Variants in CTPS2 observed in about 807,000 individuals in gnomAD.
CTPS2 encodes the protein CTP synthase II.
CTPS2 carries 19 observed loss-of-function variants against 46.8 expected under a neutral mutation model. The ratio of observed to expected loss-of-function variants is 0.41; its 90% CI spans 0.28 to 0.60. CTPS2 has a LOEUF of 0.60. Among genes scored for constraint, CTPS2 ranks in the 20% least tolerant of loss-of-function variants. The pLI, the probability that CTPS2 is intolerant of heterozygous loss-of-function variation, is 0.35. For missense variants in CTPS2, 286 were observed against 447.6 expected, an observed-to-expected ratio of 0.64 and a Z score of 3.26; for synonymous variants, 151 against 165.2, an observed-to-expected ratio of 0.91 and a Z score of 0.66.
chrX:16,674,822 G>A (rs1387477087), intron 10 of CTPS2, among the ~76,000 whole-genome samples: 3 of 104,644 alleles, frequency 2.9e-5, no homozygotes, highest in East Asian at 3.1e-4. Flanking sequence ...TGGGCAACAA[G>A]GCGAGACTCC....
At chrX:16,600,579 G>A (rs938647742) in intron 17 of CTPS2, among the ~76,000 whole-genome samples, 1 of 111,540 alleles carries the variant, frequency 9.0e-6, no homozygotes, top group Admixed American at 9.5e-5. Context: ...ACGGTAGTCT[G>A]TAGTACTATT....
intron 13 of CTPS2, among the ~76,000 whole-genome samples, chrX:16,661,021 G>A (rs1276130457): frequency 4.6e-5 from 5 of 108,302 alleles, no homozygotes; most frequent in South Asian, 4.1e-4. Flanking sequence ...GTGCAATGGC[G>A]CGATCTTGGC....
chrX:16,650,305 G>C (rs1423341427), intron 13 of CTPS2: 2 of 110,876 alleles, frequency 1.8e-5, no homozygotes, highest in Non-Finnish European at 3.8e-5. Flanking sequence ...GAGAAGGTGA[G>C]TTTATGCCAT....
chrX:16,611,617 A>C (rs1930266575), intron 16 of CTPS2, among the ~76,000 whole-genome samples: 1 of 111,447 alleles, frequency 9.0e-6, no homozygotes, highest in African/African-American at 3.3e-5. Flanking sequence ...CATTTGAAAC[A>C]TGTTCAAAGT....
chrX:16,654,524 T>C (rs1932773012), intron 13 of CTPS2: 1 of 1,041,617 alleles, frequency 9.6e-7, no homozygotes, highest in South Asian at 2.0e-5. Flanking sequence ...GAAAACAAAA[T>C]AGAACCCTGA....
intron 10 of CTPS2, among the ~76,000 whole-genome samples, chrX:16,677,058 C>T (rs1301134313): frequency 2.3e-4 from 12 of 52,239 alleles, no homozygotes; most frequent in Non-Finnish European, 3.3e-4. Context: ...GACTCTGTCT[C>T]GGAAAAAAAA....
At chrX:16,664,126 G>A (rs1391343714) in intron 13 of CTPS2, among the ~76,000 whole-genome samples, 1 of 112,276 alleles carries the variant, frequency 8.9e-6, no homozygotes, top group Non-Finnish European at 1.9e-5. Context: ...ATGAGCCACT[G>A]CGCCCGGCCA....
intron 14 of CTPS2, among the ~76,000 whole-genome samples, chrX:16,637,678 C>T (rs113621077): frequency 0.013 from 1,453 of 112,093 alleles, 19 homozygotes; most frequent in African/African-American, 0.044. Flanking sequence ...ATTACTTGAA[C>T]AAAGTTTCAT....
At chrX:16,642,696 T>G (rs1932138672) in intron 13 of CTPS2, among the ~76,000 whole-genome samples, 1 of 112,283 alleles carries the variant, frequency 8.9e-6, no homozygotes. Context: ...ATAAGCAACC[T>G]GATTCAGCAG....
At chrX:16,694,843 A>T (rs1414861451) in intron 4 of CTPS2, among the ~76,000 whole-genome samples, 1 of 111,734 alleles carries the variant, frequency 8.9e-6, no homozygotes, top group East Asian at 2.8e-4. Context: ...AAACATAAAA[A>T]ATTAGCTGGG....
intron 14 of CTPS2, 65 bp downstream of exon 14, chrX:16,639,082 T>A (rs1931915671): frequency 2.3e-6 from 2 of 887,148 alleles, no homozygotes; most frequent in Admixed American, 4.5e-5. Flanking sequence ...CCCAGAGTGC[T>A]GGGCACCTGC....
chrX:16,615,401 C>T (rs1322972559), intron 16 of CTPS2, among the ~76,000 whole-genome samples: 2 of 111,591 alleles, frequency 1.8e-5, no homozygotes, highest in Admixed American at 1.9e-4. Flanking sequence ...TTGCTGTTGT[C>T]GGAGCTCAGA....
At chrX:16,656,710 G>A (rs183253879) in intron 13 of CTPS2, among the ~76,000 whole-genome samples, 73 of 111,800 alleles carry the variant, frequency 6.5e-4, no homozygotes, top group African/African-American at 2.1e-3. Flanking sequence ...CACCATGCCC[G>A]GCCCATTTCC....
chrX:16,649,675 G>A (rs1302381072), intron 13 of CTPS2, among the ~76,000 whole-genome samples: 1 of 111,412 alleles, frequency 9.0e-6, no homozygotes, highest in Non-Finnish European at 1.9e-5. Flanking sequence ...AAATTTTTCA[G>A]TAGAAATGTC....
intron 17 of CTPS2, among the ~76,000 whole-genome samples, chrX:16,601,764 A>T (rs1929682570): frequency 8.9e-6 from 1 of 111,916 alleles, no homozygotes. Context: ...TTAAGTTCCT[A>T]CCATAGACCA....
intron 9 of CTPS2, among the ~76,000 whole-genome samples, chrX:16,680,334 G>A (rs776668778): frequency 2.7e-5 from 3 of 110,865 alleles, no homozygotes; most frequent in Non-Finnish European, 5.7e-5. Context: ...CGAGGCAGGT[G>A]GATCACTTAA....
intron 17 of CTPS2, among the ~76,000 whole-genome samples, chrX:16,595,342 C>T (rs182895582): frequency 2.8e-3 from 309 of 111,544 alleles, no homozygotes; most frequent in Middle Eastern, 0.014. Context: ...TAGTGTGTCT[C>T]GCTCTGTCAC....
chrX:16,594,767 G>A (rs1002084862), intron 17 of CTPS2, among the ~76,000 whole-genome samples: 10 of 112,353 alleles, frequency 8.9e-5, no homozygotes, highest in African/African-American at 2.9e-4. Flanking sequence ...TCATCTCCAA[G>A]CTTAATGACT....
At chrX:16,656,232 A>G (rs1350043597) in intron 13 of CTPS2, among the ~76,000 whole-genome samples, 1 of 109,225 alleles carries the variant, frequency 9.2e-6, no homozygotes, top group Admixed American at 9.9e-5. Context: ...TGCTTTAGAC[A>G]TGAGATTTTT....
Sources: gnomAD v4.1 joint callset for allele counts (sites outside exome capture counted in the v4.1 genomes callset) on GRCh38, gnomAD v4.1.1 for gene constraint, MANE v1.5 for transcripts, NCBI Gene and HGNC (gene_info 2026-07-23, HGNC 2026-07-21) for gene names.